EDN3: variants seen among roughly 807,000 people sequenced by gnomAD.
EDN3 encodes the protein endothelin-3.
In EDN3, 9 loss-of-function variants were observed where a neutral mutation model predicts 21.4. The observed-to-expected ratio is 0.42, with a 90% CI of 0.25 to 0.73. The LOEUF is 0.73. Among genes scored for constraint, EDN3 ranks in the 30% least tolerant of loss-of-function variants. The probability of loss-of-function intolerance (pLI) is 0.26; values close to 1 mark genes in which losing one functional copy is unlikely to be tolerated. For missense variants in EDN3, 327 were observed against 309.4 expected, an observed-to-expected ratio of 1.06 and a Z score of -0.43; for synonymous variants, 133 against 126.2, an observed-to-expected ratio of 1.05 and a Z score of -0.36.
At chr20:59,310,609 C>G (rs530397726) in intron 2 of EDN3, among the ~76,000 whole-genome samples, 39 of 152,258 alleles carry the variant, frequency 2.6e-4, no homozygotes, top group African/African-American at 8.9e-4. Flanking sequence ...GCACTGGCCT[C>G]TTCTTCTTTT....
At chr20:59,300,899 G>A (rs762616424) in intron 1 of EDN3, 35 bp downstream of exon 1, 11 of 1,606,018 alleles carry the variant, frequency 6.8e-6, no homozygotes, top group South Asian at 4.4e-5. Context: ...CTCCTGGCGC[G>A]AGCGCACACA....
intron 2 of EDN3, among the ~76,000 whole-genome samples, chr20:59,314,155 C>T (rs1990026012): frequency 6.6e-6 from 1 of 152,168 alleles, no homozygotes; most frequent in African/African-American, 2.4e-5. Flanking sequence ...GGAGGACAGA[C>T]ATTTCACAGT....
intron 4 of EDN3, 92 bp from the exon 5 acceptor site, chr20:59,324,239 A>ATC (rs1160500038): frequency 1.3e-6 from 2 of 1,515,072 alleles, no homozygotes; most frequent in African/African-American, 2.7e-5. Flanking sequence ...CAGTGGGAAG[A>ATC]CGTTCCCTTT....
intron 2 of EDN3, among the ~76,000 whole-genome samples, chr20:59,319,961 T>C (rs1198013480): frequency 6.6e-6 from 1 of 152,210 alleles, no homozygotes; most frequent in Non-Finnish European, 1.5e-5. Context: ...ATCAAGCTAG[T>C]AAGTTAAGGA....
chr20:59,306,886 T>A (rs1989470384), intron 2 of EDN3, among the ~76,000 whole-genome samples: 1 of 152,114 alleles, frequency 6.6e-6, no homozygotes, highest in Non-Finnish European at 1.5e-5. Context: ...GGCTCACACC[T>A]ATAAACCCAA....
At chr20:59,308,256 C>A (rs1391723787) in intron 2 of EDN3, among the ~76,000 whole-genome samples, 2 of 152,190 alleles carry the variant, frequency 1.3e-5, no homozygotes, top group Non-Finnish European at 2.9e-5. Context: ...GAGTCTCATT[C>A]CTGGTGCAGG....
intron 2 of EDN3, among the ~76,000 whole-genome samples, chr20:59,304,022 T>G (rs1989229744): frequency 6.6e-6 from 1 of 152,192 alleles, no homozygotes; most frequent in South Asian, 2.1e-4. Flanking sequence ...TTCCCTCCCT[T>G]CCTGCCTCCC....
At chr20:59,300,980 C>G in intron 1 of EDN3, 116 bp downstream of exon 1, 1 of 1,269,716 alleles carries the variant, frequency 7.9e-7, no homozygotes. Context: ...CTTGCCTGGG[C>G]TCTGCACTCG....
At position 59,324,601 on chromosome 20, in the gene EDN3, C is replaced by CA; in HGVS notation, c.*142_*143insA. On this transcript the variant is annotated 3_prime_UTR_variant, in exon 5 of 5. Coordinates refer to ENST00000337938, the MANE Select transcript of EDN3 (RefSeq NM_207034.3). ...CAAAGAGTCCCCACTTAACAATACC[C>CA]CCCCCCCACGGCAAGAATGCCCAAA... 9.1e-7 allele frequency: 1 copy of CA among 1,097,960 alleles called. No individual in the cohort carries two copies. 68.0% of individuals were successfully genotyped at this position (1,097,960 alleles called of 1,614,324 possible). A position where few individuals can be genotyped will look rare whatever the true frequency, so the allele number is the denominator to read the frequency against.
At chr20:59,316,924 C>T (rs1990223071) in intron 2 of EDN3, among the ~76,000 whole-genome samples, 1 of 152,190 alleles carries the variant, frequency 6.6e-6, no homozygotes, top group Non-Finnish European at 1.5e-5. Flanking sequence ...AATCTTCTCA[C>T]CTGCTTTTCT....
At chr20:59,319,772 A>G (rs189181550) in intron 2 of EDN3, among the ~76,000 whole-genome samples, 299 of 152,216 alleles carry the variant, frequency 2.0e-3, no homozygotes, top group Non-Finnish European at 3.4e-3. Flanking sequence ...AAAGAAAAGA[A>G]AAAAGAAAAT....
chr20:59,320,163 G>A (rs1008099484), intron 2 of EDN3, among the ~76,000 whole-genome samples: 1 of 152,190 alleles, frequency 6.6e-6, no homozygotes, highest in African/African-American at 2.4e-5. Context: ...TCTTCATCAC[G>A]CGGCTCTTCT....
In EDN3 at chr20:59,300,685, C is replaced by A; in HGVS notation, c.-128C>A. The A allele has an allele frequency of 3.3e-6, 3 of 895,816 alleles. No homozygotes were observed. The highest frequency in any genetic ancestry group is 5.1e-6 in the Non-Finnish European group (3 of 584,852). 55.5% of individuals were successfully genotyped at this position (895,816 alleles called of 1,614,324 possible). Reference sequence around the variant, plus strand: ...CTCCTGGCCGGAGCTGGAGACGCAGCGAGCGATCGGCCGGCCTCGAACCCC... The same window carrying A: ...CTCCTGGCCGGAGCTGGAGACGCAGAGAGCGATCGGCCGGCCTCGAACCCC... On this transcript the variant is annotated 5_prime_UTR_variant, in exon 1 of 5. Coordinates refer to ENST00000337938, the MANE Select transcript of EDN3 (RefSeq NM_207034.3).
chr20:59,321,032 T>C lies in EDN3; in HGVS notation c.381T>C (p.Tyr127=), dbSNP rs1362741019. 5.0e-6 allele frequency: 8 copies of C among 1,614,220 alleles called. No homozygotes were observed. The highest frequency in any genetic ancestry group is 6.8e-6 in the Non-Finnish European group (8 of 1,180,042). ...TGCTTTGCAGACAGACGGTGCCCTA[T>C]GGACTGTCCAACTACAGAGGAAGCT... is the stretch of plus-strand genomic sequence containing the variant. ...WINTPEQTVP[Y]GLSNYRGSFR... Residue 127 remains tyrosine, a synonymous_variant, in exon 3 of 5, where the codon TAT becomes TAC. Transcript: ENST00000337938.
At chr20:59,318,332 C>T (rs910238148) in intron 2 of EDN3, among the ~76,000 whole-genome samples, 1 of 152,162 alleles carries the variant, frequency 6.6e-6, no homozygotes, top group African/African-American at 2.4e-5. Flanking sequence ...ACGGAGTGGC[C>T]AGGAGCCCAG....
chr20:59,322,271 A>C lies in EDN3; in HGVS notation c.543-101A>C. 7.5e-7 allele frequency: 1 copy of C among 1,325,704 alleles called. No individual in the cohort carries two copies. The highest frequency in any genetic ancestry group is 1.1e-6 in the Non-Finnish European group (1 of 920,844). 82.1% of individuals were successfully genotyped at this position (1,325,704 alleles called of 1,614,324 possible). On this transcript the variant is annotated intron_variant, in intron 3 of 4. Transcript: ENST00000337938. This position sits in a 1 kb window ranked among gnomAD's most constrained non-coding sequence, Gnocchi z 4.1. ...GACGCAGTCCTTGGGGAACGCACTA[A>C]TGTGCTCATTGGTGGGGAAGAGGAA...
intron 2 of EDN3, among the ~76,000 whole-genome samples, chr20:59,309,528 G>A (rs1263345182): frequency 1.3e-5 from 2 of 152,124 alleles, no homozygotes; most frequent in Admixed American, 6.6e-5. Flanking sequence ...TTTGAGACGG[G>A]CATGTGAAAG....
chr20:59,312,025 T>C (rs1989856131), intron 2 of EDN3, among the ~76,000 whole-genome samples: 1 of 147,736 alleles, frequency 6.8e-6, no homozygotes. Context: ...GCATGTATCA[T>C]GGTGTCGGCA....
At chr20:59,311,237 T>C (rs1989784164) in intron 2 of EDN3, among the ~76,000 whole-genome samples, 1 of 152,070 alleles carries the variant, frequency 6.6e-6, no homozygotes, top group African/African-American at 2.4e-5. Flanking sequence ...TTGGAGCTAT[T>C]ACTGGAAAGG....
Sources: gnomAD v4.1 joint callset for allele counts (sites outside exome capture counted in the v4.1 genomes callset) on GRCh38, gnomAD v4.1.1 for gene constraint, Gnocchi (gnomAD v3.1) non-coding constraint, MANE v1.5 for transcripts, NCBI Gene and HGNC (gene_info 2026-07-23, HGNC 2026-07-21) for gene names.